TMEM108: variants seen among roughly 807,000 people sequenced by gnomAD.
TMEM108 encodes cancer/testis antigen 124.
Under a neutral mutation model 35.1 loss-of-function variants are expected in TMEM108, and 12 were observed. That is an observed-to-expected ratio of 0.34 (90% CI 0.22 to 0.55). The LOEUF is 0.55. TMEM108 is among the 20% of genes least tolerant of loss of function. TMEM108 has a pLI of 0.89. For missense variants in TMEM108, 680 were observed against 753.3 expected, an observed-to-expected ratio of 0.90 and a Z score of 1.14; for synonymous variants, 287 against 308.6, an observed-to-expected ratio of 0.93 and a Z score of 0.73.
At chr3:133,087,341 G>C (rs1322743898) in intron 2 of TMEM108, among the ~76,000 whole-genome samples, 40 of 152,190 alleles carry the variant, frequency 2.6e-4, no homozygotes, top group Non-Finnish European at 1.5e-5. Flanking sequence ...TGATAACGCT[G>C]CAGGATAAAT....
chr3:133,123,538 A>T (rs893463164), intron 2 of TMEM108, among the ~76,000 whole-genome samples: 1 of 152,236 alleles, frequency 6.6e-6, no homozygotes, highest in Non-Finnish European at 1.5e-5. Context: ...CAATAAGTGA[A>T]AATAGTATCT....
chr3:133,361,712 T>C (rs932877917), intron 3 of TMEM108, among the ~76,000 whole-genome samples: 16 of 152,120 alleles, frequency 1.1e-4, no homozygotes, highest in African/African-American at 3.6e-4. Context: ...TCGTGTGGTC[T>C]CTCAAGCATG....
chr3:133,312,373 T>C (rs769141257), intron 3 of TMEM108, among the ~76,000 whole-genome samples: 1 of 152,212 alleles, frequency 6.6e-6, no homozygotes, highest in Non-Finnish European at 1.5e-5. Flanking sequence ...CTTGCTGAGC[T>C]GTGGTGGGCT....
chr3:133,310,380 G>C (rs1163814247), intron 3 of TMEM108, among the ~76,000 whole-genome samples: 1 of 152,046 alleles, frequency 6.6e-6, no homozygotes, highest in Non-Finnish European at 1.5e-5. Flanking sequence ...ATGAATCTTG[G>C]TGCTCCTGTA....
chr3:133,385,359 C>T (rs1238850417), intron 4 of TMEM108, among the ~76,000 whole-genome samples: 1 of 152,168 alleles, frequency 6.6e-6, no homozygotes, highest in East Asian at 1.9e-4. Context: ...CTGTGCATCC[C>T]AGCCAGCACC....
At chr3:133,117,803 A>G (rs1944305825) in intron 2 of TMEM108, among the ~76,000 whole-genome samples, 2 of 152,216 alleles carry the variant, frequency 1.3e-5, no homozygotes, top group Admixed American at 1.3e-4. Context: ...GTCAGTCACT[A>G]TGCTCAAAAT....
chr3:133,216,652 C>T (rs1265848295), intron 2 of TMEM108, among the ~76,000 whole-genome samples: 5 of 152,062 alleles, frequency 3.3e-5, no homozygotes, highest in Middle Eastern at 3.4e-3. Flanking sequence ...ATTAGTTCAA[C>T]TTTTTTAGAT....
intron 3 of TMEM108, among the ~76,000 whole-genome samples, chr3:133,271,848 A>G (rs1180614308): frequency 1.3e-5 from 2 of 152,084 alleles, no homozygotes; most frequent in East Asian, 1.9e-4. Flanking sequence ...CTGGGTCTCT[A>G]CTATGTTTCA....
At chr3:133,330,548 T>C (rs1265035203) in intron 3 of TMEM108, among the ~76,000 whole-genome samples, 3 of 152,202 alleles carry the variant, frequency 2.0e-5, no homozygotes, top group African/African-American at 7.2e-5. Flanking sequence ...ACCATCTGGT[T>C]TTACAAGAAA....
At chr3:133,075,460 A>T (rs1943727728) in intron 2 of TMEM108, among the ~76,000 whole-genome samples, 1 of 152,160 alleles carries the variant, frequency 6.6e-6, no homozygotes, top group East Asian at 1.9e-4. Flanking sequence ...TTTGATCACC[A>T]GTGATTTAAC....
intron 2 of TMEM108, among the ~76,000 whole-genome samples, chr3:133,114,438 T>C (rs2107727766): frequency 6.6e-6 from 1 of 152,258 alleles, no homozygotes; most frequent in East Asian, 1.9e-4. Context: ...ATAATGTAAC[T>C]AAACAATAAC....
chr3:133,087,390 A>G (rs886992624), intron 2 of TMEM108, among the ~76,000 whole-genome samples: 4 of 152,322 alleles, frequency 2.6e-5, no homozygotes, highest in African/African-American at 7.2e-5. Flanking sequence ...CCTTATAACC[A>G]TAGGCAATGC....
At chr3:133,335,221 A>C (rs988946505) in intron 3 of TMEM108, among the ~76,000 whole-genome samples, 1 of 152,262 alleles carries the variant, frequency 6.6e-6, no homozygotes. Context: ...GATGACAAAG[A>C]CTTTCATTTA....
chr3:133,194,909 C>T (rs1433033665), intron 2 of TMEM108, among the ~76,000 whole-genome samples: 4 of 152,122 alleles, frequency 2.6e-5, no homozygotes, highest in African/African-American at 9.7e-5. Flanking sequence ...TGCCCCCCGG[C>T]ACTAACACTT....
chr3:133,066,600 A>G (rs1460256989), intron 2 of TMEM108, among the ~76,000 whole-genome samples: 2 of 152,202 alleles, frequency 1.3e-5, no homozygotes, highest in Non-Finnish European at 1.5e-5. Flanking sequence ...TATCCTTAGT[A>G]TAGGAGCAAA....
At chr3:133,122,157 C>T (rs1322122692) in intron 2 of TMEM108, among the ~76,000 whole-genome samples, 1 of 151,906 alleles carries the variant, frequency 6.6e-6, no homozygotes, top group Non-Finnish European at 1.5e-5. Flanking sequence ...AGTTACTTCT[C>T]TTTTCCCTCT....
At chr3:133,315,840 T>C (rs1225104725) in intron 3 of TMEM108, among the ~76,000 whole-genome samples, 1 of 152,220 alleles carries the variant, frequency 6.6e-6, no homozygotes, top group African/African-American at 2.4e-5. Flanking sequence ...TTTTATATTA[T>C]AGATTAACAT....
rs368996909 is a variant in TMEM108 at position 133,069,002 on chromosome 3, G to T, written c.-47+22982G>T. The stretch of plus-strand genomic sequence containing the variant: ...GGCATTCCAAGCAGGACAAAACAGT[G>T]TACATCCATGTTTGGATAGAACAAA... On this transcript the variant is annotated intron_variant, in intron 2 of 5. Transcript: ENST00000321871. Among the ~76,000 whole-genome samples, 22 of 152,222 alleles carry T rather than the reference G, an allele frequency of 1.4e-4. No individual in the cohort carries two copies. In the East Asian group the frequency reaches 3.7e-3, roughly 25 times the overall value.
At chr3:133,089,689 C>T (rs1483033159) in intron 2 of TMEM108, among the ~76,000 whole-genome samples, 2 of 152,158 alleles carry the variant, frequency 1.3e-5, no homozygotes, top group East Asian at 3.9e-4. Context: ...CAGATTAATA[C>T]CAGGCTGCAT....
Sources: gnomAD v4.1 joint callset for allele counts (sites outside exome capture counted in the v4.1 genomes callset) on GRCh38, gnomAD v4.1.1 for gene constraint, MANE v1.5 for transcripts, NCBI Gene and HGNC (gene_info 2026-07-23, HGNC 2026-07-21) for gene names.